Variants in FNDC1 observed in about 807,000 individuals in gnomAD.
The protein encoded by FNDC1 is fibronectin type III domain-containing protein 1.
FNDC1 carries 96 observed loss-of-function variants against 168.0 expected under a neutral mutation model. The observed-to-expected ratio is 0.57, with a 90% CI of 0.48 to 0.68. FNDC1 has a LOEUF of 0.68. Among genes scored for constraint, FNDC1 ranks in the 30% least tolerant of loss-of-function variants. The pLI is 0.00. For missense variants in FNDC1, 2,587 were observed against 2,482.1 expected, an observed-to-expected ratio of 1.04 and a Z score of -0.90; for synonymous variants, 1,099 against 1,025.9, an observed-to-expected ratio of 1.07 and a Z score of -1.36.
chr6:159,208,992 T>A (rs1370294110), intron 4 of FNDC1, among the ~76,000 whole-genome samples: 1 of 151,888 alleles, frequency 6.6e-6, no homozygotes, highest in Non-Finnish European at 1.5e-5. Flanking sequence ...GGATTACAGG[T>A]GCATGCCACC....
intron 2 of FNDC1, among the ~76,000 whole-genome samples, chr6:159,199,392 A>C (rs967282221): frequency 6.6e-6 from 1 of 152,212 alleles, no homozygotes; most frequent in African/African-American, 2.4e-5. Flanking sequence ...TAGCATTTCC[A>C]AGACTCCAGG....
At chr6:159,183,388 A>T (rs455415) in intron 1 of FNDC1, among the ~76,000 whole-genome samples, 13,817 of 152,190 alleles carry the variant, frequency 0.091, 895 homozygotes, top group Non-Finnish European at 0.14. Context: ...TTCTCCTACC[A>T]CTAAAATTTC....
intron 22 of FNDC1, among the ~76,000 whole-genome samples, chr6:159,268,687 TATCC>T (rs1004873174): frequency 3.3e-5 from 5 of 149,572 alleles, no homozygotes; most frequent in African/African-American, 7.4e-5. Flanking sequence ...TCCATCTATC[TATCC>T]ATCCATCCAT....
In FNDC1 at chr6:159,197,640, G is replaced by C; in HGVS notation, c.304+15G>C. On this transcript the variant is annotated intron_variant, in intron 2 of 22. Transcript: ENST00000297267. ...TGAGGATGTGGGTAAGTGACACTCTGATCTTGTTCCCAGTCAGAATTAACT... is the reference window on the plus strand; with the variant it reads ...TGAGGATGTGGGTAAGTGACACTCTCATCTTGTTCCCAGTCAGAATTAACT... The C allele has an allele frequency of 6.3e-7, 1 of 1,596,990 alleles. No homozygotes were observed. The highest frequency in any genetic ancestry group is 8.5e-7 in the Non-Finnish European group (1 of 1,170,196).
chr6:159,215,984 C>G (rs442297), intron 5 of FNDC1, among the ~76,000 whole-genome samples: 1 of 151,380 alleles, frequency 6.6e-6, no homozygotes, highest in South Asian at 2.1e-4. Context: ...TTTTTTGAGA[C>G]GAAGTCTTGC....
At chr6:159,262,582 A>G (rs1236499225) in intron 19 of FNDC1, among the ~76,000 whole-genome samples, 1 of 152,250 alleles carries the variant, frequency 6.6e-6, no homozygotes, top group Admixed American at 6.5e-5. Context: ...ATCAGAATCA[A>G]TGTGAAAAAA....
chr6:159,220,888 G>A (rs1399942681), intron 5 of FNDC1, among the ~76,000 whole-genome samples: 1 of 152,182 alleles, frequency 6.6e-6, no homozygotes, highest in Non-Finnish European at 1.5e-5. Flanking sequence ...CACGTATAAC[G>A]TGGATCTGCA....
At chr6:159,199,112 C>T (rs758859359) in intron 2 of FNDC1, among the ~76,000 whole-genome samples, 19 of 152,342 alleles carry the variant, frequency 1.2e-4, no homozygotes, top group Non-Finnish European at 2.2e-4. Context: ...CTCCAGCTCT[C>T]GTCCCCTGAA....
chr6:159,236,160 C>T lies in FNDC1; in HGVS notation c.3968-55C>T. The T allele has an allele frequency of 3.0e-6, 4 of 1,312,084 alleles. No individual in the cohort carries two copies. The South Asian group carries it at 3.8e-5, about 13-fold the overall frequency. 81.3% of individuals were successfully genotyped at this position (1,312,084 alleles called of 1,614,324 possible). ...TAATAGTTTGGTATGAAGCCAACTT[C>T]CCGGGCATGTTGAATTTACCAGGCT... On this transcript the variant is annotated intron_variant, in intron 11 of 22. Transcript: ENST00000297267.
intron 4 of FNDC1, among the ~76,000 whole-genome samples, chr6:159,205,729 C>T (rs559548475): frequency 3.4e-4 from 52 of 152,156 alleles, no homozygotes; most frequent in Non-Finnish European, 6.0e-4. Flanking sequence ...GCTGAGTGGA[C>T]GGATTCCACT....
chr6:159,238,925 G>A (rs1365217220), intron 13 of FNDC1, among the ~76,000 whole-genome samples: 6 of 152,142 alleles, frequency 3.9e-5, no homozygotes, highest in Non-Finnish European at 7.4e-5. Flanking sequence ...GGAGGGGTCC[G>A]CAAACTACAA....
chr6:159,268,010 C>A, intron 22 of FNDC1, 84 bp downstream of exon 22: 1 of 1,438,734 alleles, frequency 7.0e-7, no homozygotes, highest in Non-Finnish European at 9.5e-7. Flanking sequence ...AGTAGGTCTG[C>A]CTTTGCCTTG....
chr6:159,182,245 C>T (rs910849545), intron 1 of FNDC1, among the ~76,000 whole-genome samples: 6 of 152,150 alleles, frequency 3.9e-5, no homozygotes, highest in Non-Finnish European at 8.8e-5. Context: ...CGGAATCTGA[C>T]TTGGGGTCCT....
chr6:159,245,207 C>T (rs1783513992), intron 14 of FNDC1, among the ~76,000 whole-genome samples: 1 of 152,146 alleles, frequency 6.6e-6, no homozygotes, highest in African/African-American at 2.4e-5. Flanking sequence ...ATGTAGGTAT[C>T]ATGGGGATTA....
rs766062898 is a variant in FNDC1, at chr6:159,266,268, C to T, written c.5446+23C>T. 3.1e-6 allele frequency: 5 copies of T among 1,612,652 alleles called. No individual in the cohort carries two copies. In the East Asian group the frequency reaches 1.1e-4, roughly 36 times the overall value. ...AAGGTAAGTCTTTGTGCATGGTTGG[C>T]TATGGGAGGTATGGAACATTTTGAT... On this transcript the variant is annotated intron_variant, in intron 21 of 22. Transcript: ENST00000297267.
Position 159,268,990 on chromosome 6 carries a change from T to TCA in FNDC1, c.5569+1064_5569+1065insCA, listed in dbSNP as rs1562315436. 2.8e-3 allele frequency among the ~76,000 whole-genome samples: 303 copies of TCA among 107,194 alleles called. 1 individual carries two copies. Among genetic ancestry groups the TCA allele is most frequent in the African/African-American group, 9.5e-3 (287 of 30,252 alleles). 70.3% of individuals were successfully genotyped at this position (107,194 alleles called of 152,430 possible). On this transcript the variant is annotated intron_variant, in intron 22 of 22. Transcript: ENST00000297267. ...TCTATCCACCTATCCATGTATCTAT[T>TCA]TATCCATCCATCCATCCATCCATCC...
chr6:159,203,217 A>T (rs780146662), intron 4 of FNDC1, among the ~76,000 whole-genome samples: 5 of 152,212 alleles, frequency 3.3e-5, no homozygotes, highest in Non-Finnish European at 5.9e-5. Flanking sequence ...GGACTTCAAC[A>T]TATGAATTTG....
intron 4 of FNDC1, among the ~76,000 whole-genome samples, chr6:159,206,281 C>G (rs939190682): frequency 6.6e-6 from 1 of 152,232 alleles, no homozygotes; most frequent in African/African-American, 2.4e-5. Flanking sequence ...TCAATCAAAG[C>G]CTTTGGCCAA....
intron 1 of FNDC1, among the ~76,000 whole-genome samples, chr6:159,190,628 C>T (rs566277363): frequency 2.0e-5 from 3 of 152,290 alleles, no homozygotes; most frequent in South Asian, 2.1e-4. Flanking sequence ...GGTGGCCACA[C>T]GTTAGAGCCC....
Sources: gnomAD v4.1 joint callset for allele counts (sites outside exome capture counted in the v4.1 genomes callset) on GRCh38, gnomAD v4.1.1 for gene constraint, MANE v1.5 for transcripts, NCBI Gene and HGNC (gene_info 2026-07-23, HGNC 2026-07-21) for gene names.